The following SLC9A8 variants were observed in gnomAD, a reference collection of about 807,000 sequenced individuals.
SLC9A8 encodes the protein solute carrier family 9 member A8, also known as sodium/hydrogen exchanger 8.
SLC9A8 carries 48 observed loss-of-function variants against 66.6 expected under a neutral mutation model. The observed-to-expected ratio is 0.72, with a 90% CI of 0.57 to 0.92. The LOEUF (loss-of-function observed/expected upper bound fraction) is 0.92. Among genes scored for constraint, SLC9A8 ranks in the 40% least tolerant of loss-of-function variants. SLC9A8 has a pLI of 0.00. For missense variants in SLC9A8, 599 were observed against 747.3 expected (o/e 0.80, Z 2.31); for synonymous variants, 274 against 282.6 (o/e 0.97, Z 0.31).
intron 15 of SLC9A8, among the ~76,000 whole-genome samples, chr20:49,887,498 G>A (rs2089933530): frequency 6.6e-6 from 1 of 152,198 alleles, no homozygotes; most frequent in African/African-American, 2.4e-5. Context: ...CTGAGGAGAT[G>A]GAGGCCTAAG....
chr20:49,832,846 A>G lies in SLC9A8; in HGVS notation c.290-6695A>G, dbSNP rs2087266035. Among the ~76,000 whole-genome samples the G allele has an allele frequency of 2.0e-5, 3 of 152,064 alleles. No homozygotes were observed. The South Asian group carries it at 6.2e-4, about 32-fold the overall frequency. ...CAGTGTTGTCTTAATATTGTTGACA[A>G]TTCTGTAAAGTTCCTTTTTATAAAT... On this transcript the variant is annotated intron_variant, in intron 3 of 15. Coordinates refer to ENST00000361573, the MANE Select transcript of SLC9A8 (RefSeq NM_015266.3).
At chr20:49,816,833 G>A (rs942727214) in intron 2 of SLC9A8, among the ~76,000 whole-genome samples, 10 of 151,888 alleles carry the variant, frequency 6.6e-5, no homozygotes, top group East Asian at 2.0e-4. Flanking sequence ...GGTTCACGCC[G>A]TTCTCCTGCC....
Position 49,814,991 on chromosome 20 carries a change from C to A in SLC9A8, c.27-17C>A. 1 of 1,496,040 alleles carries A rather than the reference C, an allele frequency of 6.7e-7. No individual in the cohort carries two copies. The highest frequency in any genetic ancestry group is 1.3e-5 in the South Asian group (1 of 76,784). The allele number at this position is 1,496,040 out of a possible 1,614,324, so 92.7% of individuals were successfully genotyped here. ...GACCCTTTTCCATTATCTAATTATGCTTTCTATGTCCTCCAGGAGGTTCCC... is the reference window on the plus strand; with the variant it reads ...GACCCTTTTCCATTATCTAATTATGATTTCTATGTCCTCCAGGAGGTTCCC... On this transcript the variant is annotated splice_polypyrimidine_tract_variant and intron_variant, in intron 1 of 15. Transcript: ENST00000361573.
At chr20:49,875,039 T>A (rs1209817757) in intron 11 of SLC9A8, among the ~76,000 whole-genome samples, 1 of 152,096 alleles carries the variant, frequency 6.6e-6, no homozygotes, top group Non-Finnish European at 1.5e-5. Context: ...CGCCTACAAT[T>A]TAAAGACCAA....
chr20:49,887,905 G>A lies in SLC9A8; in HGVS notation c.1715G>A (p.Gly572Asp). Residue 572 changes from glycine to aspartate, a missense_variant, in exon 16 of 16, where the codon GGC becomes GAC. Gly to Asp is a moderately conservative substitution (Grantham distance 94). Transcript: ENST00000361573. ...WYEEVRQGPS[G>D]SEDDEQELL ...GAGGAGGTACGCCAGGGCCCCTCCG[G>A]CTCCGAGGACGACGAGCAGGAGCTG... The A allele has an allele frequency of 6.2e-7, 1 of 1,613,840 alleles. No individual in the cohort carries two copies. Among genetic ancestry groups the A allele is most frequent in the Non-Finnish European group, 8.5e-7 (1 of 1,179,904 alleles).
At chr20:49,823,175 A>G (rs1236597928) in intron 3 of SLC9A8, 34 bp downstream of exon 3, 2 of 1,528,534 alleles carry the variant, frequency 1.3e-6, no homozygotes, top group Non-Finnish European at 1.8e-6. Context: ...TAATAAAAGC[A>G]GTAACAATAA....
At chr20:49,873,488 A>G (rs1210135465) in intron 10 of SLC9A8, among the ~76,000 whole-genome samples, 1 of 150,834 alleles carries the variant, frequency 6.6e-6, no homozygotes. Flanking sequence ...TCTCCAAAAA[A>G]AAAAAAAAAA....
At chr20:49,818,186 C>T (rs1457446868) in intron 2 of SLC9A8, among the ~76,000 whole-genome samples, 1 of 152,124 alleles carries the variant, frequency 6.6e-6, no homozygotes, top group Non-Finnish European at 1.5e-5. Context: ...CAGGCAAAAT[C>T]CTGCCCAGTG....
At chr20:49,830,471 A>G (rs2087128227) in intron 3 of SLC9A8, 3 of 807,762 alleles carry the variant, frequency 3.7e-6, no homozygotes, top group Middle Eastern at 2.4e-4. Context: ...GTATGCTGCA[A>G]GGGATCTGCC....
chr20:49,818,318 C>T (rs916446218), intron 2 of SLC9A8, among the ~76,000 whole-genome samples: 2 of 152,228 alleles, frequency 1.3e-5, no homozygotes, highest in Middle Eastern at 3.4e-3. Flanking sequence ...CTTTCATTTT[C>T]ACCTAATCAG....
intron 7 of SLC9A8, among the ~76,000 whole-genome samples, chr20:49,852,850 T>G (rs2088308270): frequency 6.6e-6 from 1 of 151,962 alleles, no homozygotes; most frequent in Non-Finnish European, 1.5e-5. Context: ...TTTGTTTGTT[T>G]TGTTTTTTTC....
At chr20:49,853,139 G>A (rs1260660069) in intron 7 of SLC9A8, among the ~76,000 whole-genome samples, 2 of 152,148 alleles carry the variant, frequency 1.3e-5, no homozygotes, top group Non-Finnish European at 2.9e-5. Flanking sequence ...GGTAGGAGAG[G>A]CACAGGACAG....
Position 49,886,931 on chromosome 20 carries a change from G to T in SLC9A8, c.1638+33G>T, listed in dbSNP as rs771469022. 2.5e-6 allele frequency: 4 copies of T among 1,593,992 alleles called. No individual in the cohort carries two copies. Among genetic ancestry groups the T allele is most frequent in the Admixed American group, 1.7e-5 (1 of 58,646 alleles). Reference sequence around the variant, plus strand: ...ACCGGCCAGGCCACACTTTCTGGGGGTCCCTTGCCTGCCTCCTTCAGGACC... The same window carrying T: ...ACCGGCCAGGCCACACTTTCTGGGGTTCCCTTGCCTGCCTCCTTCAGGACC... On this transcript the variant is annotated intron_variant, in intron 15 of 15. Transcript: ENST00000361573. This position sits in a 1 kb window ranked among gnomAD's most constrained non-coding sequence, Gnocchi z 4.8.
intron 2 of SLC9A8, among the ~76,000 whole-genome samples, chr20:49,821,203 G>C (rs2086727255): frequency 6.6e-6 from 1 of 152,124 alleles, no homozygotes; most frequent in Non-Finnish European, 1.5e-5. Context: ...AGAGTTGTTT[G>C]ATCTATTTAT....
At chr20:49,860,199 C>T (rs1472117251) in intron 8 of SLC9A8, among the ~76,000 whole-genome samples, 1 of 152,192 alleles carries the variant, frequency 6.6e-6, no homozygotes, top group Non-Finnish European at 1.5e-5. Flanking sequence ...CTGCCACATT[C>T]CTCAAGGTGG....
In SLC9A8 at chr20:49,886,616, C is replaced by T; in HGVS notation, c.1492-136C>T. Reference sequence around the variant, plus strand: ...CAGGCTCCCAGGAGGCCGTCTGCTGCCCGTCACCCTGCATTGATGGTCAAG... The same window carrying T: ...CAGGCTCCCAGGAGGCCGTCTGCTGTCCGTCACCCTGCATTGATGGTCAAG... On this transcript the variant is annotated intron_variant, in intron 14 of 15. Transcript: ENST00000361573. This position sits in a 1 kb window ranked among gnomAD's most constrained non-coding sequence, Gnocchi z 4.8. The T allele has an allele frequency of 9.5e-7, 1 of 1,047,974 alleles. No individual in the cohort carries two copies. The highest frequency in any genetic ancestry group is 1.4e-6 in the Non-Finnish European group (1 of 728,008). 64.9% of individuals were successfully genotyped at this position (1,047,974 alleles called of 1,614,324 possible).
At chr20:49,881,398 T>G (rs1319081469) in intron 13 of SLC9A8, among the ~76,000 whole-genome samples, 1 of 152,186 alleles carries the variant, frequency 6.6e-6, no homozygotes, top group Non-Finnish European at 1.5e-5. Flanking sequence ...GTAGAAAAGG[T>G]GAAAGTTGAA....
intron 3 of SLC9A8, among the ~76,000 whole-genome samples, chr20:49,834,437 A>ACAG (rs1568814486): frequency 1.1e-4 from 3 of 28,414 alleles, no homozygotes; most frequent in African/African-American, 3.8e-4. Flanking sequence ...TATACTGTAT[A>ACAG]TATATATATA....
intron 1 of SLC9A8, among the ~76,000 whole-genome samples, chr20:49,813,442 C>T (rs1011063210): frequency 5.9e-5 from 9 of 152,266 alleles, no homozygotes; most frequent in Non-Finnish European, 1.2e-4. Flanking sequence ...GGAGGCCGAC[C>T]AGGAGCCGCT....
Sources: gnomAD v4.1 joint callset for allele counts (sites outside exome capture counted in the v4.1 genomes callset) on GRCh38, gnomAD v4.1.1 for gene constraint, Gnocchi (gnomAD v3.1) non-coding constraint, MANE v1.5 for transcripts, NCBI Gene and HGNC (gene_info 2026-07-23, HGNC 2026-07-21) for gene names.